Variants in IDH3G observed in about 807,000 individuals in gnomAD.
The protein encoded by IDH3G is isocitrate dehydrogenase [NAD] subunit gamma, mitochondrial.
A neutral mutation model predicts 26.9 loss-of-function variants in IDH3G; 9 were observed. The ratio of observed to expected loss-of-function variants is 0.34; its 90% CI spans 0.20 to 0.58. IDH3G has a LOEUF of 0.58. Among genes scored for constraint, IDH3G ranks in the 20% least tolerant of loss-of-function variants. The pLI is 0.85. For synonymous variants in IDH3G, 181 were observed against 160.0 expected, an observed-to-expected ratio of 1.13 and a Z score of -0.99; for missense variants, 250 against 372.8, an observed-to-expected ratio of 0.67 and a Z score of 2.71.
At chrX:153,790,364 A>T in intron 3 of IDH3G, 72 bp from the exon 4 acceptor site, 10 of 983,692 alleles carry the variant, frequency 1.0e-5, no homozygotes. Context: ...CCATGGGCTC[A>T]AGCCAATTCC....
In IDH3G at chrX:153,786,402, G is replaced by A; in HGVS notation, c.972C>T (p.Asn324=). 2 of 1,204,884 alleles carry A rather than the reference G, an allele frequency of 1.7e-6. No homozygotes were observed. Among genetic ancestry groups the A allele is most frequent in the Non-Finnish European group, 2.2e-6 (2 of 891,779 alleles). ...GKSIANKNIA[N]PTATLLASCM... ...AGCTGGCCAGCAGGGTGGCCGTGGG[G>A]TTGGCGATGTTCTTATTGGCGATAC... The change falls in exon 11 of 13, where the codon AAC becomes AAT. Residue 324 remains asparagine, a synonymous_variant. Coordinates refer to ENST00000217901, the MANE Select transcript of IDH3G (RefSeq NM_004135.4).
Position 153,787,690 on chromosome X carries a change from C to A in IDH3G, c.541-93G>T, listed in dbSNP as rs1002631891. 1.5e-5 allele frequency: 17 copies of A among 1,140,164 alleles called. No homozygotes were observed. The Admixed American group carries it at 1.6e-4, about 11-fold the overall frequency. 94.0% of individuals were successfully genotyped at this position (1,140,164 alleles called of 1,213,427 possible). On this transcript the variant is annotated intron_variant, in intron 7 of 12. Transcript: ENST00000217901. ...GCGACCGGGCCACCGTGGGAAGCAA[C>A]CCTGTCTGCCTATTTCTGGCTTCTC... is the stretch of plus-strand genomic sequence containing the variant.
chrX:153,794,155 A>C, intron 1 of IDH3G, 91 bp downstream of exon 1: 1 of 994,465 alleles, frequency 1.0e-6, no homozygotes, highest in Non-Finnish European at 1.3e-6. Context: ...TGGGGCCCCT[A>C]GCCAATCGGA....
intron 5 of IDH3G, among the ~76,000 whole-genome samples, 161 bp from the exon 6 acceptor site, chrX:153,788,296 C>T (rs1249441562): frequency 1.8e-5 from 2 of 112,615 alleles, no homozygotes; most frequent in South Asian, 3.7e-4. Context: ...CGAGGCTACA[C>T]GCTCAGGGAT....
chrX:153,794,275 C>T lies in IDH3G; in HGVS notation c.52G>A (p.Gly18Arg). 1 of 1,201,459 alleles carries T rather than the reference C, an allele frequency of 8.3e-7. No individual in the cohort carries two copies. The highest frequency in any genetic ancestry group is 1.7e-5 in the African/African-American group (1 of 57,998). The stretch of plus-strand genomic sequence containing the variant: ...CAGGGACGGCAGAGAAGGGCTGGCC[C>T]GAGCACCGCCTTCGCGGCGCTGCCG... ...VAGSAAKAVL[G>R]PALLCRPWEV... The change falls in exon 1 of 13, where the codon GGG becomes AGG. Residue 18 changes from glycine (G) to arginine (R), a missense_variant. Physicochemically the swap from Gly to Arg is moderately radical, Grantham distance 125. Around this residue, in one of 2 missense-constraint regions of IDH3G, gnomAD observed 49 missense variants for 41.5 expected, o/e 1.18. Coordinates refer to ENST00000217901, the MANE Select transcript of IDH3G (RefSeq NM_004135.4).
chrX:153,789,755 G>A lies in IDH3G; in HGVS notation c.303C>T (p.Arg101=). 8.3e-7 allele frequency: 1 copy of A among 1,206,560 alleles called. No homozygotes were observed. The highest frequency in any genetic ancestry group is 3.0e-5 in the East Asian group (1 of 33,721). ...TCCGGCGGATGGCCATGATGGCATT[G>A]CGAATGTCCTCTTCATCAGCATTGG... The part of the protein sequence containing the change: ...VSSNADEEDI[R]NAIMAIRRNR... The change falls in exon 5 of 13, where the codon CGC becomes CGT. Residue 101 remains arginine (R), a synonymous_variant. Coordinates refer to ENST00000217901, the MANE Select transcript of IDH3G (RefSeq NM_004135.4).
intron 1 of IDH3G, 64 bp downstream of exon 1, chrX:153,794,182 G>A (rs1269268807): frequency 3.3e-5 from 37 of 1,107,475 alleles, no homozygotes; most frequent in African/African-American, 5.5e-5. Context: ...ACTGCTTCGG[G>A]TGCGGCTACC....
rs782163274 is a variant in IDH3G, at chrX:153,794,321, C to T, written c.6G>A (p.Ala2=). The stretch of plus-strand genomic sequence containing the variant: ...TGCCGGCGACGGTCGCTACCTTCAG[C>T]GCCATGACGGAAAGTGAGAGCCTCC... The part of the protein sequence containing the change: M[A]LKVATVAGSA... Residue 2 remains alanine (A), a synonymous_variant, in exon 1 of 13, where the codon GCG becomes GCA. Transcript: ENST00000217901. 5.8e-6 allele frequency: 7 copies of T among 1,196,705 alleles called. No homozygotes were observed. In the African/African-American group the frequency reaches 1.0e-4, roughly 18 times the overall value.
At position 153,785,772 on chromosome X, in the gene IDH3G, G is replaced by A; in HGVS notation, c.*100C>T. 2.0e-6 allele frequency: 2 copies of A among 1,002,449 alleles called. No individual in the cohort carries two copies. Among genetic ancestry groups the A allele is most frequent in the Non-Finnish European group, 2.8e-6 (2 of 717,899 alleles). 82.6% of individuals were successfully genotyped at this position (1,002,449 alleles called of 1,213,427 possible). ...GAGGGAGGCCCACGCCAAGTCTAGG[G>A]AGAAGGTGCTTTATTCTGGGATCTG... On this transcript the variant is annotated 3_prime_UTR_variant, in exon 13 of 13. Transcript: ENST00000217901.
rs782228638 is a variant in IDH3G, at chrX:153,785,892, C to T, written c.1162G>A (p.Gly388Ser). 17 of 1,211,365 alleles carry T rather than the reference C, an allele frequency of 1.4e-5. No homozygotes were observed. Among genetic ancestry groups the T allele is most frequent in the Non-Finnish European group, 1.8e-5 (16 of 895,526 alleles). The change falls in exon 13 of 13, where the codon GGC becomes AGC. Residue 388 changes from glycine to serine, a missense_variant. Gly to Ser is a moderately conservative substitution (Grantham distance 56). Transcript: ENST00000217901. Reference protein sequence around the residue: ...DVIRHIRVINGRAVEA With the variant: ...DVIRHIRVINSRAVEA ...CCAGCCTAGGCCTCCACGGCCCGGC[C>T]GTTGATGACGCGGATGTGGCGGATG...
At chrX:153,790,150 G>A in intron 4 of IDH3G, 45 bp downstream of exon 4, 2 of 1,080,374 alleles carry the variant, frequency 1.9e-6, no homozygotes, top group Middle Eastern at 2.5e-4. Flanking sequence ...AAAGTCCTCA[G>A]GGCCCCCTGG....
intron 1 of IDH3G, among the ~76,000 whole-genome samples, chrX:153,792,881 C>T (rs2092114858): frequency 1.8e-5 from 2 of 112,414 alleles, no homozygotes; most frequent in South Asian, 3.7e-4. Flanking sequence ...AATATGTACA[C>T]GCCTCCCGCT....
intron 10 of IDH3G, 31 bp downstream of exon 10, chrX:153,786,770 G>A (rs202228089): frequency 3.5e-5 from 41 of 1,187,127 alleles, no homozygotes; most frequent in East Asian, 6.0e-5. Context: ...GGAGAAAGGC[G>A]GCAAGCCGCG....
In IDH3G at chrX:153,790,568, G is replaced by A. The variant is rs782723361; in HGVS notation, c.131C>T (p.Thr44Ile). Residue 44 changes from threonine to isoleucine, a missense_variant, in exon 3 of 13, where the codon ACA becomes ATA. By Grantham distance (89) the Thr-to-Ile change is moderately conservative (BLOSUM62 -1). Transcript: ENST00000217901. ...CAGGCAGAGAAGAATACTCACAATTGTTTGTTCCTAGAAAGGATGAGAAAG... is the reference window on the plus strand; with the variant it reads ...CAGGCAGAGAAGAATACTCACAATTATTTGTTCCTAGAAAGGATGAGAAAG... ...VPSRNIFSEQTIPPSAKYGGR... is the reference protein window; with the variant it reads ...VPSRNIFSEQIIPPSAKYGGR... The A allele has an allele frequency of 2.5e-6, 3 of 1,208,784 alleles. No homozygotes were observed. The highest frequency in any genetic ancestry group is 3.4e-6 in the Non-Finnish European group (3 of 892,930).
intron 4 of IDH3G, 47 bp downstream of exon 4, chrX:153,790,148 C>G: frequency 9.3e-7 from 1 of 1,076,223 alleles, no homozygotes; most frequent in Non-Finnish European, 1.3e-6. Context: ...ACAAAGTCCT[C>G]AGGGCCCCCT....
chrX:153,790,492 C>T (rs1287924766), intron 3 of IDH3G, 72 bp downstream of exon 3: 1 of 1,093,049 alleles, frequency 9.1e-7, no homozygotes, highest in African/African-American at 1.8e-5. Context: ...CAGCCCACCC[C>T]CACCTGGAAT....
chrX:153,790,442 C>T, intron 3 of IDH3G, 122 bp downstream of exon 3: 1 of 916,982 alleles, frequency 1.1e-6, no homozygotes, highest in South Asian at 2.2e-5. Context: ...GCAGCCCCGT[C>T]CCAGACAGGG....
At position 153,785,818 on chromosome X, in the gene IDH3G, G is replaced by A; in HGVS notation, c.*54C>T. 1 of 1,173,139 alleles carries A rather than the reference G, an allele frequency of 8.5e-7. No individual in the cohort carries two copies. Among genetic ancestry groups the A allele is most frequent in the East Asian group, 3.0e-5 (1 of 33,698 alleles). On this transcript the variant is annotated 3_prime_UTR_variant, in exon 13 of 13. Coordinates refer to ENST00000217901, the MANE Select transcript of IDH3G (RefSeq NM_004135.4). ...ATCTGCGTACCAGGCTGGCTGGGGT[G>A]CTGGAGTGGGAAGGGGAATCCAAGG...
chrX:153,794,220 G>A (rs781904092), intron 1 of IDH3G, 26 bp downstream of exon 1: 1 of 1,163,830 alleles, frequency 8.6e-7, no homozygotes, highest in Non-Finnish European at 1.1e-6. Flanking sequence ...CCGCTGCCGC[G>A]GTCCCGTGGC....
Sources: gnomAD v4.1 joint callset for allele counts (sites outside exome capture counted in the v4.1 genomes callset) on GRCh38, gnomAD v4.1.1 for gene constraint, gnomAD v4.1.1 regional missense constraint, MANE v1.5 for transcripts, NCBI Gene and HGNC (gene_info 2026-07-23, HGNC 2026-07-21) for gene names.